THOP1: variants seen among roughly 807,000 people sequenced by gnomAD.
THOP1 encodes thimet oligopeptidase.
A neutral mutation model predicts 71.8 loss-of-function variants in THOP1; 49 were observed. That is an observed-to-expected ratio of 0.68 (90% CI 0.54 to 0.87). The LOEUF (loss-of-function observed/expected upper bound fraction) is 0.87. Among genes scored for constraint, THOP1 ranks in the 40% least tolerant of loss-of-function variants. The pLI is 0.00. For synonymous variants in THOP1, 426 were observed against 421.5 expected (o/e 1.01, Z -0.13); for missense variants, 843 against 975.6 (o/e 0.86, Z 1.81).
chr19:2,812,152 T>C, intron 12 of THOP1: 1 of 1,463,860 alleles, frequency 6.8e-7, no homozygotes, highest in Non-Finnish European at 9.0e-7. Context: ...GACCCTTCTC[T>C]GGAGAAGGCT....
Position 2,813,816 on chromosome 19 carries a change from T to C in THOP1, c.*540T>C, listed in dbSNP as rs986762435. ...GTCTGAGAGACTTCGGCTTCCTGCA[T>C]GCTTCTCACCTGTTGTCATTCTGGA... On this transcript the variant is annotated 3_prime_UTR_variant, in exon 13 of 13. Coordinates refer to ENST00000307741, the MANE Select transcript of THOP1 (RefSeq NM_003249.5). 6.5e-6 allele frequency: 1 copy of C among 153,210 alleles called. No individual in the cohort carries two copies. The highest frequency in any genetic ancestry group is 2.4e-5 in the African/African-American group (1 of 41,312). The allele number at this position is 153,210 out of a possible 1,614,324, so 9.5% of individuals were successfully genotyped here.
intron 1 of THOP1, among the ~76,000 whole-genome samples, chr19:2,786,765 A>ATTTTTTTT (rs550767741): frequency 2.0e-5 from 2 of 101,206 alleles, no homozygotes; most frequent in African/African-American, 1.0e-4. Flanking sequence ...CACCTGGCTA[A>ATTTTTTTT]TTTTTTTTTT....
At chr19:2,792,189 C>T (rs1218151503) in intron 2 of THOP1, among the ~76,000 whole-genome samples, 1 of 152,198 alleles carries the variant, frequency 6.6e-6, no homozygotes, top group Admixed American at 6.5e-5. Flanking sequence ...GTCTTCAGCC[C>T]TAGCGTCAGG....
Position 2,785,508 on chromosome 19 carries a change from G to A in THOP1, c.-155G>A. 1 of 755,690 alleles carries A rather than the reference G, an allele frequency of 1.3e-6. No homozygotes were observed. The highest frequency in any genetic ancestry group is 1.8e-6 in the Non-Finnish European group (1 of 541,648). 46.8% of individuals were successfully genotyped at this position (755,690 alleles called of 1,614,324 possible). ...CCCTGTGCGCGCGCCGCCCCAGCATGCCCCGGGAGCGCGGGCGGCGGGCCC... is the reference window on the plus strand; with the variant it reads ...CCCTGTGCGCGCGCCGCCCCAGCATACCCCGGGAGCGCGGGCGGCGGGCCC... On this transcript the variant is annotated 5_prime_UTR_variant, in exon 1 of 13. An upstream start codon of the reference 5' UTR is lost. Transcript: ENST00000307741.
intron 9 of THOP1, chr19:2,809,430 A>G (rs1916398337): frequency 6.6e-6 from 1 of 152,274 alleles, no homozygotes; most frequent in African/African-American, 2.4e-5. Context: ...GACTGAGAAA[A>G]GGACGCTTGC....
intron 1 of THOP1, among the ~76,000 whole-genome samples, chr19:2,787,743 G>A (rs985277026): frequency 5.9e-5 from 9 of 152,168 alleles, no homozygotes; most frequent in African/African-American, 1.9e-4. Flanking sequence ...GACACTGGAC[G>A]GTGTCTGGGG....
At position 2,799,713 on chromosome 19, in the gene THOP1, C is replaced by T; in HGVS notation, c.511C>T (p.Leu171=). ...GAACATCAAACGCATCAAGAAGAAG[C>T]TGAGCCTTCTGTGCATCGACTTCAA... ...QENIKRIKKK[L]SLLCIDFNKN... is the part of the protein sequence containing the mutation. The change falls in exon 5 of 13, where the codon CTG becomes TTG. Residue 171 remains leucine (L), a synonymous_variant. Coordinates refer to ENST00000307741, the MANE Select transcript of THOP1 (RefSeq NM_003249.5). 4 of 1,613,950 alleles carry T rather than the reference C, an allele frequency of 2.5e-6. No homozygotes were observed. The highest frequency in any genetic ancestry group is 3.4e-6 in the Non-Finnish European group (4 of 1,179,952).
intron 9 of THOP1, among the ~76,000 whole-genome samples, chr19:2,809,133 G>T (rs561190013): frequency 6.6e-6 from 1 of 152,252 alleles, no homozygotes; most frequent in Non-Finnish European, 1.5e-5. Context: ...CCTCCAAGGG[G>T]ACCCTGGTCA....
intron 4 of THOP1, 62 bp from the exon 5 acceptor site, chr19:2,799,627 G>A (rs1054072788): frequency 1.5e-6 from 2 of 1,373,944 alleles, no homozygotes; most frequent in African/African-American, 1.4e-5. Context: ...CCCAGGCGTT[G>A]CGTCTCCCCG....
At chr19:2,792,140 G>A (rs1022890672) in intron 2 of THOP1, among the ~76,000 whole-genome samples, 11 of 152,282 alleles carry the variant, frequency 7.2e-5, no homozygotes, top group South Asian at 2.1e-4. Flanking sequence ...CTAATCGGTC[G>A]CCCGTAAATC....
intron 5 of THOP1, 115 bp downstream of exon 5, chr19:2,799,906 G>A (rs990761724): frequency 5.0e-5 from 48 of 969,498 alleles, no homozygotes; most frequent in Non-Finnish European, 6.8e-5. Flanking sequence ...GAAGGGCGGC[G>A]GGAGGCCGAA....
chr19:2,795,034 G>T, intron 3 of THOP1, 122 bp downstream of exon 3: 1 of 1,214,310 alleles, frequency 8.2e-7, no homozygotes, highest in Non-Finnish European at 1.1e-6. Flanking sequence ...GTGTTGGTCA[G>T]GCTAGTCTCG....
At chr19:2,812,685 G>C (rs1223376581) in intron 12 of THOP1, among the ~76,000 whole-genome samples, 1 of 152,206 alleles carries the variant, frequency 6.6e-6, no homozygotes, top group East Asian at 1.9e-4. Context: ...TTGGTGGCTG[G>C]CACCGGCGCC....
At chr19:2,793,384 G>A in intron 2 of THOP1, among the ~76,000 whole-genome samples, 1 of 152,042 alleles carries the variant, frequency 6.6e-6, no homozygotes. Context: ...GCCTGTCCTG[G>A]ATATTTCGTA....
At chr19:2,795,010 G>C in intron 3 of THOP1, 98 bp downstream of exon 3, 1 of 1,428,980 alleles carries the variant, frequency 7.0e-7, no homozygotes, top group East Asian at 2.4e-5. Flanking sequence ...TTTTAGTAGA[G>C]ACGGGGTTTC....
intron 7 of THOP1, 152 bp downstream of exon 7, chr19:2,807,204 G>A: frequency 7.7e-7 from 1 of 1,290,886 alleles, no homozygotes. Flanking sequence ...CTCCCCCCGA[G>A]GGACCCTTAC....
At position 2,805,438 on chromosome 19, in the gene THOP1, T is replaced by C. The variant is rs1375902574; in HGVS notation, c.750+262T>C. Among the ~76,000 whole-genome samples, 1 of 152,218 alleles carries C rather than the reference T, an allele frequency of 6.6e-6. No individual in the cohort carries two copies. Among genetic ancestry groups the C allele is most frequent in the Non-Finnish European group, 1.5e-5 (1 of 68,038 alleles). ...CAAGCTGAGCCTCCTGCTGCTGCTC[T>C]GAGCATCTGGCCGCGCACACGTCTC... is the stretch of plus-strand genomic sequence containing the variant. On this transcript the variant is annotated intron_variant, in intron 6 of 12. Transcript: ENST00000307741. The surrounding 1 kb of genome is among the most constrained non-coding windows in gnomAD (Gnocchi z 6.6).
rs1472124642 is a variant in THOP1 at position 2,801,955 on chromosome 19, A to G, written c.589+2164A>G. On this transcript the variant is annotated intron_variant, in intron 5 of 12. Coordinates refer to ENST00000307741, the MANE Select transcript of THOP1 (RefSeq NM_003249.5). The surrounding 1 kb of genome is among the most constrained non-coding windows in gnomAD (Gnocchi z 5.1). The stretch of plus-strand genomic sequence containing the variant: ...GAAGGCCCCAGTACCTAATCCTGCC[A>G]TCTCCCAATACCACCATCTCCAACA... 1.3e-5 allele frequency among the ~76,000 whole-genome samples: 2 copies of G among 151,882 alleles called. No individual in the cohort carries two copies. The highest frequency in any genetic ancestry group is 2.9e-5 in the Non-Finnish European group (2 of 67,942).
rs146226928 is a variant in THOP1 at position 2,811,700 on chromosome 19, C to T, written c.1874C>T (p.Thr625Met). 48 of 1,612,690 alleles carry T rather than the reference C, an allele frequency of 3.0e-5. No individual in the cohort carries two copies. The highest frequency in any genetic ancestry group is 1.6e-4 in the Middle Eastern group (1 of 6,076). ...SEVYSMDMFH[T>M]RFKQEGVLNS... is the part of the protein sequence containing the mutation. ...GTGTATTCCATGGACATGTTCCACA[C>T]GCGCTTCAAGCAGGAGGGTGTCCTG... Residue 625 changes from threonine to methionine, a missense_variant, in exon 12 of 13, where the codon ACG becomes ATG. By Grantham distance (81) the Thr-to-Met change is moderately conservative. Coordinates refer to ENST00000307741, the MANE Select transcript of THOP1 (RefSeq NM_003249.5).
Sources: gnomAD v4.1 joint callset for allele counts (sites outside exome capture counted in the v4.1 genomes callset) on GRCh38, gnomAD v4.1.1 for gene constraint, Gnocchi (gnomAD v3.1) non-coding constraint, MANE v1.5 for transcripts, NCBI Gene and HGNC (gene_info 2026-07-23, HGNC 2026-07-21) for gene names.